Variants in DLG2 observed in about 807,000 individuals in gnomAD.
DLG2 encodes disks large homolog 2.
DLG2 carries 45 observed loss-of-function variants against 132.5 expected under a neutral mutation model. The ratio of observed to expected loss-of-function variants is 0.34; its 90% CI spans 0.27 to 0.44. DLG2 has a LOEUF of 0.44. DLG2 is among the 20% of genes least tolerant of loss of function. The pLI, the probability that DLG2 is intolerant of heterozygous loss-of-function variation, is 1.00. For missense variants in DLG2, 1,045 were observed against 1,196.9 expected, an observed-to-expected ratio of 0.87 and a Z score of 1.87; for synonymous variants, 424 against 419.6, an observed-to-expected ratio of 1.01 and a Z score of -0.13.
rs768470537 is a variant in DLG2, at chr11:84,712,167, G to C, written c.358-177436C>G. 2.4e-4 allele frequency among the ~76,000 whole-genome samples: 37 copies of C among 152,006 alleles called. 1 individual carries two copies. The highest frequency in any genetic ancestry group is 6.6e-5 in the Admixed American group (1 of 15,248). On this transcript the variant is annotated intron_variant, in intron 6 of 27. Transcript: ENST00000376104. ...TCCATAAGTGAGTACAAGGCAAAAG[G>C]CTTCTTAAAGTCTGAGCTCTTTCAG...
In DLG2 at chr11:83,522,643, T is replaced by G. The variant is rs530638213; in HGVS notation, c.2193+10065A>C. On this transcript the variant is annotated intron_variant, in intron 21 of 27. Transcript: ENST00000376104. ...CTTATTGGTTGAGTGCCATGAACTA[T>G]TTTAGGCCCTAAATAATTCATAGTC... Among the ~76,000 whole-genome samples, 5 of 152,274 alleles carry G rather than the reference T, an allele frequency of 3.3e-5. No individual in the cohort carries two copies. In the East Asian group the frequency reaches 9.6e-4, roughly 29 times the overall value.
At chr11:85,447,109 C>T (rs1014744895) in intron 3 of DLG2, among the ~76,000 whole-genome samples, 4 of 152,094 alleles carry the variant, frequency 2.6e-5, no homozygotes, top group African/African-American at 9.7e-5. Context: ...TCTAATCTGC[C>T]ATTTAATTGA....
At chr11:84,233,832 T>C (rs2097125852) in intron 8 of DLG2, among the ~76,000 whole-genome samples, 1 of 152,212 alleles carries the variant, frequency 6.6e-6, no homozygotes, top group African/African-American at 2.4e-5. Flanking sequence ...TTTGTGCGTC[T>C]GCATCCTTGT....
intron 6 of DLG2, among the ~76,000 whole-genome samples, chr11:84,875,019 CAAAAAAAA>C (rs563276131): frequency 5.0e-5 from 3 of 59,884 alleles, no homozygotes; most frequent in Non-Finnish European, 1.1e-4. Flanking sequence ...TACTTCATCT[CAAAAAAAA>C]AAAAAAAAAA....
chr11:85,509,670 A>T (rs2094012701), intron 3 of DLG2, among the ~76,000 whole-genome samples: 1 of 152,080 alleles, frequency 6.6e-6, no homozygotes, highest in Admixed American at 6.6e-5. Context: ...ATTTTATTCA[A>T]CAAATATTTA....
intron 19 of DLG2, among the ~76,000 whole-genome samples, chr11:83,597,267 T>C (rs547665358): frequency 6.6e-6 from 1 of 152,020 alleles, no homozygotes; most frequent in Non-Finnish European, 1.5e-5. Flanking sequence ...TATCTGAGAG[T>C]GGGATATATC....
At chr11:84,678,219 C>A (rs968916186) in intron 6 of DLG2, among the ~76,000 whole-genome samples, 16 of 152,204 alleles carry the variant, frequency 1.1e-4, no homozygotes, top group African/African-American at 3.4e-4. Flanking sequence ...ACAATGCCAT[C>A]TGTTCCCAAG....
At chr11:83,636,547 T>A (rs1462878842) in intron 18 of DLG2, among the ~76,000 whole-genome samples, 1 of 152,146 alleles carries the variant, frequency 6.6e-6, no homozygotes. Context: ...GTCAAATAAC[T>A]ACCACTTCCA....
rs1052211760 is a variant in DLG2, at chr11:84,121,414, G to T, written c.625-22367C>A. On this transcript the variant is annotated intron_variant, in intron 9 of 27. Transcript: ENST00000376104. Reference sequence around the variant, plus strand: ...AATATATAGGTCACTTAAGCAATGGGTCCACATTATACAGTAGCCAGTATT... The same window carrying T: ...AATATATAGGTCACTTAAGCAATGGTTCCACATTATACAGTAGCCAGTATT... 2.0e-5 allele frequency among the ~76,000 whole-genome samples: 3 copies of T among 151,976 alleles called. 1 individual carries two copies. In the Middle Eastern group the frequency reaches 9.5e-3, roughly 481 times the overall value.
chr11:83,927,369 A>T (rs114028518), intron 15 of DLG2, among the ~76,000 whole-genome samples: 3,099 of 152,286 alleles, frequency 0.02, 111 homozygotes, highest in African/African-American at 0.07. Flanking sequence ...AAGAAAATAT[A>T]TAATGGGGGC....
chr11:84,057,281 T>C (rs1390842776), intron 11 of DLG2, among the ~76,000 whole-genome samples: 2 of 152,202 alleles, frequency 1.3e-5, no homozygotes, highest in African/African-American at 2.4e-5. Context: ...GCTGCTCAGC[T>C]AGAAGAAGGT....
intron 6 of DLG2, among the ~76,000 whole-genome samples, chr11:84,714,641 C>CTCTT (rs2060971793): frequency 7.4e-6 from 1 of 135,036 alleles, no homozygotes; most frequent in African/African-American, 3.1e-5. Context: ...CTCTCTCTCT[C>CTCTT]TCTCTTTCTC....
At chr11:84,922,926 G>A in intron 6 of DLG2, 2 of 911,678 alleles carry the variant, frequency 2.2e-6, no homozygotes, top group Non-Finnish European at 1.7e-6. Context: ...AGGCTGCACG[G>A]CAACAATAAA....
intron 8 of DLG2, among the ~76,000 whole-genome samples, chr11:84,164,863 A>G (rs981209878): frequency 1.3e-5 from 2 of 152,246 alleles, no homozygotes; most frequent in Non-Finnish European, 2.9e-5. Context: ...TTACTACATT[A>G]TCAAACAGCC....
chr11:85,353,613 A>T lies in DLG2; in HGVS notation c.41-68248T>A, dbSNP rs191858953. 2.2e-3 allele frequency among the ~76,000 whole-genome samples: 339 copies of T among 152,346 alleles called. 1 individual carries two copies. Among genetic ancestry groups the T allele is most frequent in the African/African-American group, 7.9e-3 (328 of 41,584 alleles). ...CAAATGTCCAGCAATGATAGACTGG[A>T]TTAAGAAAATGTGGCACATATACAC... On this transcript the variant is annotated intron_variant, in intron 3 of 27. Transcript: ENST00000376104.
Position 83,874,433 on chromosome 11 carries a change from C to T in DLG2, c.1552G>A (p.Val518Ile), listed in dbSNP as rs200531656. 1.6e-4 allele frequency: 262 copies of T among 1,597,780 alleles called. No individual in the cohort carries two copies. Among genetic ancestry groups the T allele is most frequent in the Non-Finnish European group, 2.0e-4 (239 of 1,170,284 alleles). Reference sequence around the variant, plus strand: ...TTATTATCTTACCCTTCCAGGGAGACGGCCCGTTGGAGAGTCATTGAAGGC... The same window carrying T: ...TTATTATCTTACCCTTCCAGGGAGATGGCCCGTTGGAGAGTCATTGAAGGC... ...RQPSMTLQRA[V>I]SLEGEPRKVV... The change falls in exon 16 of 28, where the codon GTC (valine) becomes ATC (isoleucine). Residue 518 changes from valine (V) to isoleucine (I), a missense_variant. By Grantham distance (29) the Val-to-Ile change is conservative. Transcript: ENST00000376104.
At chr11:85,003,640 A>T (rs1041434729) in intron 6 of DLG2, among the ~76,000 whole-genome samples, 4 of 151,938 alleles carry the variant, frequency 2.6e-5, no homozygotes, top group African/African-American at 9.7e-5. Context: ...AAAAAATGAG[A>T]CCTTCTTTTG....
rs112442759 is a variant in DLG2, at chr11:84,000,224, T to G, written c.920-19582A>C. 7.0e-3 allele frequency among the ~76,000 whole-genome samples: 1,070 copies of G among 152,118 alleles called. 16 individuals are homozygous for G. Among genetic ancestry groups the G allele is most frequent in the African/African-American group, 0.025 (1,030 of 41,524 alleles). On this transcript the variant is annotated intron_variant, in intron 11 of 27. Transcript: ENST00000376104. ...CTGAAACTGACAAATTCATTGAATA[T>G]ATCAGAAAATACATTTGAAAGCTTC...
chr11:84,265,081 AT>A (rs1488904716), intron 7 of DLG2, among the ~76,000 whole-genome samples: 1 of 152,194 alleles, frequency 6.6e-6, no homozygotes, highest in Non-Finnish European at 1.5e-5. Context: ...CACTTCTGCA[AT>A]GGTCTTAGCT....
Sources: allele counts gnomAD v4.1 joint callset (sites outside exome capture counted in the v4.1 genomes callset), GRCh38; gene constraint gnomAD v4.1.1; transcripts MANE v1.5; gene names NCBI Gene and HGNC (gene_info 2026-07-23, HGNC 2026-07-21).